PAPOLA: variants seen among roughly 807,000 people sequenced by gnomAD.
The protein encoded by PAPOLA is poly(A) polymerase alpha.
A neutral mutation model predicts 100.6 loss-of-function variants in PAPOLA; 15 were observed. The observed-to-expected ratio is 0.15, with a 90% CI of 0.10 to 0.23. PAPOLA has a LOEUF of 0.23. Ranked by LOEUF, PAPOLA falls within the 10% of genes least tolerant of loss-of-function variation. The pLI, the probability that PAPOLA is intolerant of heterozygous loss-of-function variation, is 1.00. For synonymous variants in PAPOLA, 293 were observed against 300.0 expected (o/e 0.98, Z 0.24); for missense variants, 533 against 884.2 (o/e 0.60, Z 5.04).
In PAPOLA at chr14:96,562,799, C is replaced by A; in HGVS notation, c.2068-20C>A. The stretch of plus-strand genomic sequence containing the variant: ...TTTTTAAGTCTCTTTTCCCCCTTCC[C>A]CATCCTCTTTGTCTCACAGGAACAA... On this transcript the variant is annotated intron_variant, in intron 20 of 21. Transcript: ENST00000216277. 1 of 1,500,070 alleles carries A rather than the reference C, an allele frequency of 6.7e-7. No homozygotes were observed. Among genetic ancestry groups the A allele is most frequent in the Non-Finnish European group, 9.2e-7 (1 of 1,082,106 alleles). 92.9% of individuals were successfully genotyped at this position (1,500,070 alleles called of 1,614,324 possible).
At chr14:96,519,129 A>G (rs1201953067) in intron 1 of PAPOLA, among the ~76,000 whole-genome samples, 3 of 150,918 alleles carry the variant, frequency 2.0e-5, no homozygotes, top group Admixed American at 6.6e-5. Flanking sequence ...GGGTTTCAGC[A>G]TGTTATCCAG....
intron 15 of PAPOLA, among the ~76,000 whole-genome samples, chr14:96,544,604 G>A (rs911159119): frequency 2.0e-5 from 3 of 152,036 alleles, no homozygotes; most frequent in African/African-American, 7.2e-5. Context: ...AGCAGTTTCA[G>A]TGTCAGATTT....
chr14:96,537,003 T>C lies in PAPOLA; in HGVS notation c.1058T>C (p.Leu353Pro). Residue 353 changes from leucine to proline, a missense_variant, in exon 12 of 22, where the codon CTG becomes CCG. This residue lies in a region of PAPOLA where 87 missense variants were observed against 173.3 expected (regional missense o/e 0.50). Transcript: ENST00000216277. Reference sequence around the variant, plus strand: ...CTTGCTATCACAGATGAAATTTTGCTGAGTAAGGCAGAGTGGTCCAAACTT... The same window carrying C: ...CTTGCTATCACAGATGAAATTTTGCCGAGTAAGGCAGAGTGGTCCAAACTT... ...QGLAITDEIL[L>P]SKAEWSKLFE... 6.2e-7 allele frequency: 1 copy of C among 1,608,348 alleles called. No individual in the cohort carries two copies. The highest frequency in any genetic ancestry group is 8.5e-7 in the Non-Finnish European group (1 of 1,174,888).
chr14:96,550,087 G>A (rs1294406505), intron 16 of PAPOLA, among the ~76,000 whole-genome samples: 3 of 152,208 alleles, frequency 2.0e-5, no homozygotes, highest in Non-Finnish European at 4.4e-5. Context: ...GTTCAAGGCT[G>A]CAGTGAACTT....
chr14:96,544,190 A>G lies in PAPOLA; in HGVS notation c.1331A>G (p.Lys444Arg). The change falls in exon 15 of 22, where the codon AAA becomes AGA. Residue 444 changes from lysine (K) to arginine (R), a missense_variant. Coordinates refer to ENST00000216277, the MANE Select transcript of PAPOLA (RefSeq NM_032632.5). ...ATGTGGGTGATTGGGTTAGTGTTTA[A>G]AAAAACAGAAAACTCTGAAAACCTC... Reference protein sequence around the residue: ...RTMWVIGLVFKKTENSENLSV... With the variant: ...RTMWVIGLVFRKTENSENLSV... The G allele has an allele frequency of 6.2e-7, 1 of 1,610,104 alleles. No individual in the cohort carries two copies. The highest frequency in any genetic ancestry group is 8.5e-7 in the Non-Finnish European group (1 of 1,176,520).
rs1902259094 is a variant in PAPOLA at position 96,566,223 on chromosome 14, T to G, written c.*1173T>G. 3.5e-6 allele frequency: 1 copy of G among 282,846 alleles called. No individual in the cohort carries two copies. The highest frequency in any genetic ancestry group is 2.2e-5 in the African/African-American group (1 of 46,212). The allele number at this position is 282,846 out of a possible 1,614,324, so 17.5% of individuals were successfully genotyped here. A position where few individuals can be genotyped will look rare whatever the true frequency, so the allele number is the denominator to read the frequency against. On this transcript the variant is annotated 3_prime_UTR_variant, in exon 22 of 22. Coordinates refer to ENST00000216277, the MANE Select transcript of PAPOLA (RefSeq NM_032632.5). Reference sequence around the variant, plus strand: ...TAAATGGTTTACCAAAATTTGTCAGTACATTTTACGTGTAGAAGCATTTTA... The same window carrying G: ...TAAATGGTTTACCAAAATTTGTCAGGACATTTTACGTGTAGAAGCATTTTA...
intron 1 of PAPOLA, among the ~76,000 whole-genome samples, chr14:96,511,556 A>G (rs1897111582): frequency 6.6e-6 from 1 of 152,192 alleles, no homozygotes. Flanking sequence ...TGGCATAGTC[A>G]TGATTTTATC....
intron 1 of PAPOLA, among the ~76,000 whole-genome samples, chr14:96,514,096 T>C (rs1566834642): frequency 6.6e-6 from 1 of 152,198 alleles, no homozygotes; most frequent in Non-Finnish European, 1.5e-5. Context: ...TGTCCAAAGA[T>C]GATCATGCTT....
intron 19 of PAPOLA, among the ~76,000 whole-genome samples, chr14:96,559,627 A>G (rs970965798): frequency 1.3e-5 from 2 of 148,206 alleles, no homozygotes; most frequent in African/African-American, 2.5e-5. Context: ...GTATATATAT[A>G]TATGTGTATA....
chr14:96,505,022 C>T (rs1325608954), intron 1 of PAPOLA, among the ~76,000 whole-genome samples: 2 of 152,090 alleles, frequency 1.3e-5, no homozygotes, highest in Admixed American at 6.5e-5. Context: ...ATCAAGTGTC[C>T]ATATTTTGTC....
chr14:96,539,613 G>A (rs1394791705), intron 12 of PAPOLA, among the ~76,000 whole-genome samples: 1 of 152,080 alleles, frequency 6.6e-6, no homozygotes, highest in Non-Finnish European at 1.5e-5. Flanking sequence ...TTGGGGAAAA[G>A]GTAATGGCAA....
intron 1 of PAPOLA, among the ~76,000 whole-genome samples, chr14:96,514,238 A>G (rs1247825952): frequency 6.9e-6 from 1 of 144,394 alleles, no homozygotes; most frequent in African/African-American, 2.6e-5. Context: ...GAGTGCTGGG[A>G]TCTCGGCTCA....
intron 16 of PAPOLA, among the ~76,000 whole-genome samples, chr14:96,549,188 G>C (rs1566861053): frequency 6.6e-6 from 1 of 152,040 alleles, no homozygotes; most frequent in Non-Finnish European, 1.5e-5. Context: ...CTTGGAGATA[G>C]GTAGATAGAT....
intron 1 of PAPOLA, among the ~76,000 whole-genome samples, chr14:96,519,301 G>A (rs1161490012): frequency 1.3e-5 from 2 of 151,934 alleles, no homozygotes; most frequent in Admixed American, 6.6e-5. Flanking sequence ...TCCTTATTGT[G>A]TACTTGGTTT....
In PAPOLA at chr14:96,556,345, A is replaced by C; in HGVS notation, c.1936A>C (p.Ile646Leu). 6.2e-7 allele frequency: 1 copy of C among 1,613,994 alleles called. No individual in the cohort carries two copies. Among genetic ancestry groups the C allele is most frequent in the South Asian group, 1.1e-5 (1 of 91,074 alleles). The change falls in exon 19 of 22, where the codon ATA (isoleucine) becomes CTA (leucine). Residue 646 changes from isoleucine to leucine, a missense_variant. Physicochemically the swap from Ile to Leu is conservative, Grantham distance 5. This residue lies in a region of PAPOLA where 242 missense variants were observed against 281.0 expected (regional missense o/e 0.86). Coordinates refer to ENST00000216277, the MANE Select transcript of PAPOLA (RefSeq NM_032632.5). ...TGCAGCAACAAAAATACCTACTCCTATAGTAGGAGTCAAGAGGACATCCTC... is the reference window on the plus strand; with the variant it reads ...TGCAGCAACAAAAATACCTACTCCTCTAGTAGGAGTCAAGAGGACATCCTC... ...GNAATKIPTP[I>L]VGVKRTSSPH...
intron 1 of PAPOLA, among the ~76,000 whole-genome samples, chr14:96,519,651 T>C (rs1439301227): frequency 6.6e-6 from 1 of 152,250 alleles, no homozygotes; most frequent in Non-Finnish European, 1.5e-5. Context: ...TGAACTTCGT[T>C]CATTGTAAGC....
At chr14:96,518,174 T>C (rs1176172159) in intron 1 of PAPOLA, among the ~76,000 whole-genome samples, 1 of 152,226 alleles carries the variant, frequency 6.6e-6, no homozygotes, top group African/African-American at 2.4e-5. Flanking sequence ...TGAATTAAAA[T>C]TAAGACAGTA....
chr14:96,510,794 G>A (rs1238943076), intron 1 of PAPOLA, among the ~76,000 whole-genome samples: 1 of 152,182 alleles, frequency 6.6e-6, no homozygotes, highest in Non-Finnish European at 1.5e-5. Flanking sequence ...CTTACGGTGG[G>A]CCAGTTAACC....
At chr14:96,528,213 T>C (rs1049237944) in intron 6 of PAPOLA, among the ~76,000 whole-genome samples, 2 of 152,230 alleles carry the variant, frequency 1.3e-5, no homozygotes, top group African/African-American at 4.8e-5. Context: ...AATTTGGAGC[T>C]AAAACAGAAG....
Sources: allele counts gnomAD v4.1 joint callset (sites outside exome capture counted in the v4.1 genomes callset), GRCh38; gene constraint gnomAD v4.1.1; regional missense constraint gnomAD v4.1.1; transcripts MANE v1.5; gene names NCBI Gene and HGNC (gene_info 2026-07-23, HGNC 2026-07-21).